Variants in SPATS2 observed in about 807,000 individuals in gnomAD.
The protein encoded by SPATS2 is spermatogenesis-associated serine-rich protein 2.
SPATS2 carries 38 observed loss-of-function variants against 63.7 expected under a neutral mutation model. That is an observed-to-expected ratio of 0.60 (90% CI 0.46 to 0.78). SPATS2 has a LOEUF of 0.78. Among genes scored for constraint, SPATS2 ranks in the 30% least tolerant of loss-of-function variants. The probability of loss-of-function intolerance (pLI) is 0.00; values close to 1 mark genes in which losing one functional copy is unlikely to be tolerated. For synonymous variants in SPATS2, 207 were observed against 232.9 expected, an observed-to-expected ratio of 0.89 and a Z score of 1.01; for missense variants, 588 against 666.2, an observed-to-expected ratio of 0.88 and a Z score of 1.29.
At chr12:49,426,146 A>G (rs1945071694) in intron 2 of SPATS2, among the ~76,000 whole-genome samples, 1 of 152,182 alleles carries the variant, frequency 6.6e-6, no homozygotes, top group African/African-American at 2.4e-5. Flanking sequence ...AGCATCAGTT[A>G]AACTGTGAAG....
Position 49,491,377 on chromosome 12 carries a change from G to A in SPATS2, c.264+646G>A, listed in dbSNP as rs146761555. The stretch of plus-strand genomic sequence containing the variant: ...TAAAACAGTTCAGATTTTTGGTCGG[G>A]CAACTGGGTTGTAGTCCTGATATTA... On this transcript the variant is annotated intron_variant, in intron 6 of 13. Coordinates refer to ENST00000552918, the MANE Select transcript of SPATS2 (RefSeq NM_023071.4). Among the ~76,000 whole-genome samples, 71 of 152,152 alleles carry A rather than the reference G, an allele frequency of 4.7e-4. No individual in the cohort carries two copies. In the South Asian group the frequency reaches 0.012, roughly 26 times the overall value.
intron 10 of SPATS2, 30 bp downstream of exon 10, chr12:49,514,643 T>C: frequency 1.2e-6 from 2 of 1,605,338 alleles, no homozygotes; most frequent in South Asian, 2.2e-5. Flanking sequence ...ATTAAAGCTA[T>C]TACCTTCATA....
At chr12:49,368,930 G>T (rs1037840495) in intron 1 of SPATS2, among the ~76,000 whole-genome samples, 2 of 151,834 alleles carry the variant, frequency 1.3e-5, no homozygotes, top group African/African-American at 2.4e-5. Flanking sequence ...CTTTACAAAG[G>T]TCCAAAAATA....
At chr12:49,478,256 G>A (rs529953722) in intron 3 of SPATS2, among the ~76,000 whole-genome samples, 1 of 152,282 alleles carries the variant, frequency 6.6e-6, no homozygotes, top group South Asian at 2.1e-4. Context: ...TGGGATTACA[G>A]GTGTGAGCCA....
intron 3 of SPATS2, among the ~76,000 whole-genome samples, chr12:49,477,150 C>A (rs1201743686): frequency 2.0e-5 from 3 of 151,544 alleles, no homozygotes; most frequent in Admixed American, 1.3e-4. Flanking sequence ...AAAGCTTATT[C>A]TATTGCACCT....
At chr12:49,420,391 T>TA (rs1944959596) in intron 2 of SPATS2, among the ~76,000 whole-genome samples, 1 of 151,988 alleles carries the variant, frequency 6.6e-6, no homozygotes, top group South Asian at 2.1e-4. Context: ...GTGAGGAGTT[T>TA]GAGACCAGCC....
chr12:49,498,153 T>TATAC (rs1289098450), intron 8 of SPATS2, among the ~76,000 whole-genome samples: 2 of 141,950 alleles, frequency 1.4e-5, no homozygotes, highest in Non-Finnish European at 3.0e-5. Flanking sequence ...AAAATATATA[T>TATAC]ATATATATAT....
intron 2 of SPATS2, among the ~76,000 whole-genome samples, chr12:49,403,012 A>G (rs1309159860): frequency 1.3e-5 from 2 of 152,168 alleles, no homozygotes; most frequent in African/African-American, 2.4e-5. Flanking sequence ...GATATGATGC[A>G]AAGATTTCAG....
chr12:49,504,522 G>A (rs2137975628), intron 9 of SPATS2, among the ~76,000 whole-genome samples: 1 of 152,170 alleles, frequency 6.6e-6, no homozygotes, highest in East Asian at 1.9e-4. Context: ...ATAATGTGTT[G>A]ATGAAAAATG....
Position 49,464,630 on chromosome 12 carries a change from A to C in SPATS2, c.25+3593A>C, listed in dbSNP as rs1459512670. Among the ~76,000 whole-genome samples, 64 of 147,288 alleles carry C rather than the reference A, an allele frequency of 4.3e-4. No individual in the cohort carries two copies. In the South Asian group the frequency reaches 0.011, roughly 25 times the overall value. ...CAACAAGAGCAAAACTCCATCTTAA[A>C]AAAAAAAAAAAAAAAAAGGACTCTG... On this transcript the variant is annotated intron_variant, in intron 3 of 13. Coordinates refer to ENST00000552918, the MANE Select transcript of SPATS2 (RefSeq NM_023071.4).
intron 2 of SPATS2, among the ~76,000 whole-genome samples, chr12:49,452,396 T>C (rs921345040): frequency 9.9e-5 from 15 of 152,152 alleles, no homozygotes; most frequent in African/African-American, 3.4e-4. Flanking sequence ...CCTCCTACCT[T>C]AGCCTCCCAA....
chr12:49,504,323 TTTC>T lies in SPATS2; in HGVS notation c.839+4124_839+4126del, dbSNP rs1446395665. Among the ~76,000 whole-genome samples the T allele has an allele frequency of 2.6e-5, 4 of 152,208 alleles. No individual in the cohort carries two copies. The South Asian group carries it at 8.3e-4, about 32-fold the overall frequency. ...GCATTCTAATGTATAAAACTTAAAA[TTTC>T]TTCTTATTGGTGACTTAGCAATAAT... On this transcript the variant is annotated intron_variant, in intron 9 of 13. Transcript: ENST00000552918.
chr12:49,477,962 CTTTTTT>C (rs1002916907), intron 3 of SPATS2, among the ~76,000 whole-genome samples: 2 of 105,250 alleles, frequency 1.9e-5, no homozygotes, highest in South Asian at 3.1e-4. Flanking sequence ...GTGGTTTTGT[CTTTTTT>C]TTTTTTTTTT....
chr12:49,384,953 G>T (rs1944286523), intron 2 of SPATS2, among the ~76,000 whole-genome samples: 1 of 152,036 alleles, frequency 6.6e-6, no homozygotes, highest in African/African-American at 2.4e-5. Flanking sequence ...GGGATTACAG[G>T]TGTGCGCCAC....
intron 2 of SPATS2, among the ~76,000 whole-genome samples, chr12:49,435,423 A>C (rs1945258925): frequency 6.6e-6 from 1 of 151,290 alleles, no homozygotes; most frequent in African/African-American, 2.4e-5. Context: ...CCTGGCCTCA[A>C]GCAATCTTCC....
At chr12:49,425,409 A>G (rs921602928) in intron 2 of SPATS2, among the ~76,000 whole-genome samples, 4 of 152,130 alleles carry the variant, frequency 2.6e-5, no homozygotes, top group African/African-American at 7.2e-5. Context: ...CAGTGGTGCT[A>G]TCACAGCTCA....
intron 2 of SPATS2, among the ~76,000 whole-genome samples, chr12:49,439,462 G>A (rs1410554396): frequency 1.3e-5 from 2 of 152,164 alleles, no homozygotes; most frequent in African/African-American, 4.8e-5. Flanking sequence ...TAAAAATCAC[G>A]ATGGCTTGGA....
At chr12:49,503,808 G>A (rs1029452410) in intron 9 of SPATS2, among the ~76,000 whole-genome samples, 7 of 152,152 alleles carry the variant, frequency 4.6e-5, no homozygotes, top group South Asian at 2.1e-4. Context: ...ACGCAGTTCC[G>A]GGAGAGAGAT....
intron 10 of SPATS2, among the ~76,000 whole-genome samples, chr12:49,518,269 A>G (rs1214459814): frequency 6.6e-6 from 1 of 152,224 alleles, no homozygotes; most frequent in Non-Finnish European, 1.5e-5. Context: ...TGGGTGGTTT[A>G]TCTGCTTCCT....
Sources: gnomAD v4.1 joint callset for allele counts (sites outside exome capture counted in the v4.1 genomes callset) on GRCh38, gnomAD v4.1.1 for gene constraint, MANE v1.5 for transcripts, NCBI Gene and HGNC (gene_info 2026-07-23, HGNC 2026-07-21) for gene names.